Variants in AHI1 observed in about 807,000 individuals in gnomAD.
AHI1 encodes the protein Abelson helper integration site 1.
A neutral mutation model predicts 149.3 loss-of-function variants in AHI1; 123 were observed. The ratio of observed to expected loss-of-function variants is 0.82; its 90% CI spans 0.71 to 0.96. The LOEUF (loss-of-function observed/expected upper bound fraction) is 0.96, where lower values mean the gene tolerates loss of function less well. Ranked by LOEUF, AHI1 falls within the 40% of genes least tolerant of loss-of-function variation. The probability of loss-of-function intolerance (pLI) is 0.00; values close to 1 mark genes in which losing one functional copy is unlikely to be tolerated. For missense variants in AHI1, 1,439 were observed against 1,422.7 expected (o/e 1.01, Z -0.18); for synonymous variants, 475 against 459.8 (o/e 1.03, Z -0.42).
chr6:135,470,164 A>AAC (rs1791460166), intron 5 of AHI1, among the ~76,000 whole-genome samples: 3 of 152,228 alleles, frequency 2.0e-5, no homozygotes, highest in Non-Finnish European at 4.4e-5. Context: ...AAAGGATATG[A>AAC]ACACACACTT....
Position 135,317,148 on chromosome 6 carries a change from G to A in AHI1, c.3426+1371C>T, listed in dbSNP as rs77751682. ...ATTTCCATGGATTCCTAATTTCCTT[G>A]TGCTAGGTCCTTAGCTACCTCAAAT... On this transcript the variant is annotated intron_variant, in intron 26 of 28. Transcript: ENST00000265602. Among the ~76,000 whole-genome samples, 285 of 151,732 alleles carry A rather than the reference G, an allele frequency of 1.9e-3. 1 individual carries two copies. Among genetic ancestry groups the A allele is most frequent in the African/African-American group, 6.6e-3 (273 of 41,364 alleles).
intron 25 of AHI1, among the ~76,000 whole-genome samples, chr6:135,320,933 T>C (rs1202441468): frequency 6.6e-6 from 1 of 152,200 alleles, no homozygotes; most frequent in Non-Finnish European, 1.5e-5. Flanking sequence ...TTGGCTATTT[T>C]AGATGATCTG....
At chr6:135,388,034 C>T in intron 23 of AHI1, 6 of 1,613,630 alleles carry the variant, frequency 3.7e-6, no homozygotes, top group Non-Finnish European at 5.1e-6. Context: ...AAGTGACTGT[C>T]TGGAAAACAA....
chr6:135,379,874 C>T (rs1175551801), intron 23 of AHI1, among the ~76,000 whole-genome samples: 1 of 151,836 alleles, frequency 6.6e-6, no homozygotes, highest in Non-Finnish European at 1.5e-5. Flanking sequence ...TTCCTTCCTT[C>T]CTAGCTTCCT....
Position 135,412,103 on chromosome 6 carries a change from T to A in AHI1, c.2765-559A>T, listed in dbSNP as rs149919999. Among the ~76,000 whole-genome samples the A allele has an allele frequency of 3.0e-3, 455 of 152,262 alleles. 7 individuals are homozygous for A. The highest frequency in any genetic ancestry group is 0.014 in the Middle Eastern group (4 of 294). The stretch of plus-strand genomic sequence containing the variant: ...TTTTTACACATTCTCTTATACTGAA[T>A]ACAGTTGGTCCACTGTATCTGTGGC... On this transcript the variant is annotated intron_variant, in intron 20 of 28. Coordinates refer to ENST00000265602, the MANE Select transcript of AHI1 (RefSeq NM_001134831.2).
chr6:135,413,518 T>A (rs1402087424), intron 20 of AHI1, among the ~76,000 whole-genome samples: 1 of 150,510 alleles, frequency 6.6e-6, no homozygotes, highest in Non-Finnish European at 1.5e-5. Context: ...ATTGTCTAGG[T>A]AGAGCTAAAG....
intron 24 of AHI1, among the ~76,000 whole-genome samples, chr6:135,349,739 T>G (rs529292399): frequency 3.3e-5 from 5 of 152,224 alleles, no homozygotes; most frequent in Non-Finnish European, 7.3e-5. Context: ...TGCTCTAATA[T>G]ATTGTCTTTG....
At chr6:135,380,743 C>T (rs1288495633) in intron 23 of AHI1, among the ~76,000 whole-genome samples, 1 of 120,678 alleles carries the variant, frequency 8.3e-6, no homozygotes, top group African/African-American at 3.9e-5. Flanking sequence ...CCCCCCCCCC[C>T]CAAAAAAAAA....
chr6:135,309,574 C>T (rs1784916723), intron 26 of AHI1, among the ~76,000 whole-genome samples: 1 of 151,748 alleles, frequency 6.6e-6, no homozygotes, highest in Admixed American at 6.6e-5. Flanking sequence ...CCTATGCCTC[C>T]TGAGATCAAG....
intron 24 of AHI1, among the ~76,000 whole-genome samples, chr6:135,340,654 CATACATATAT>C (rs1420290590): frequency 0.054 from 3,168 of 58,556 alleles, 191 homozygotes; most frequent in African/African-American, 0.12. Flanking sequence ...TATATACATA[CATACATATAT>C]ATATATATAT....
At chr6:135,456,457 T>A (rs1315434452) in intron 9 of AHI1, among the ~76,000 whole-genome samples, 1 of 151,162 alleles carries the variant, frequency 6.6e-6, no homozygotes, top group Non-Finnish European at 1.5e-5. Flanking sequence ...GGTGGGAGGA[T>A]CACCTGAGCC....
At chr6:135,412,932 T>C (rs1781815727) in intron 20 of AHI1, among the ~76,000 whole-genome samples, 1 of 152,300 alleles carries the variant, frequency 6.6e-6, no homozygotes, top group Admixed American at 6.5e-5. Flanking sequence ...TATCAGGTTA[T>C]CCATCGAAGG....
intron 4 of AHI1, among the ~76,000 whole-genome samples, chr6:135,491,217 GCTTAAGCC>G (rs757950298): frequency 6.6e-6 from 1 of 152,142 alleles, no homozygotes; most frequent in Non-Finnish European, 1.5e-5. Flanking sequence ...AGAAGATAAT[GCTTAAGCC>G]CCTGAAAATT....
At chr6:135,345,925 G>T (rs1791127477) in intron 24 of AHI1, among the ~76,000 whole-genome samples, 1 of 152,186 alleles carries the variant, frequency 6.6e-6, no homozygotes. Flanking sequence ...TACACGTAAG[G>T]AGACCATATT....
intron 26 of AHI1, chr6:135,300,964 C>T (rs1783803584): frequency 2.0e-6 from 2 of 985,792 alleles, no homozygotes; most frequent in Non-Finnish European, 2.4e-6. Context: ...CATAGTAATA[C>T]ACATTGATCT....
intron 7 of AHI1, among the ~76,000 whole-genome samples, chr6:135,464,903 T>C (rs1181542547): frequency 1.3e-5 from 2 of 152,220 alleles, no homozygotes; most frequent in Non-Finnish European, 2.9e-5. Context: ...CACTCTCAGA[T>C]TGCTGGCCCA....
intron 5 of AHI1, among the ~76,000 whole-genome samples, chr6:135,473,562 C>A (rs1472923779): frequency 6.6e-6 from 1 of 152,058 alleles, no homozygotes; most frequent in African/African-American, 2.4e-5. Context: ...AAGAAGTCTC[C>A]TGGCATTGAT....
At chr6:135,327,905 C>T (rs1044363445) in intron 24 of AHI1, among the ~76,000 whole-genome samples, 2 of 152,198 alleles carry the variant, frequency 1.3e-5, no homozygotes, top group African/African-American at 4.8e-5. Context: ...GATCGCTCTA[C>T]GTATCTCTTC....
At position 135,323,204 on chromosome 6, in the gene AHI1, C is replaced by T. The variant is rs778177362; in HGVS notation, c.3286G>A (p.Gly1096Arg). 1.9e-6 allele frequency: 3 copies of T among 1,613,348 alleles called. No homozygotes were observed. The highest frequency in any genetic ancestry group is 2.5e-6 in the Non-Finnish European group (3 of 1,179,642). ...EDWWYGSIGK[G>R]QEGYFPANHV... ...TTAGCTGGAAAATAACCTTCCTGTC[C>T]CTTTCCTATGCTGCCATACCACCAG... Residue 1096 changes from glycine (G) to arginine (R), a missense_variant, in exon 25 of 29, where the codon GGA becomes AGA. Coordinates refer to ENST00000265602, the MANE Select transcript of AHI1 (RefSeq NM_001134831.2).
Sources: gnomAD v4.1 joint callset for allele counts (sites outside exome capture counted in the v4.1 genomes callset) on GRCh38, gnomAD v4.1.1 for gene constraint, MANE v1.5 for transcripts, NCBI Gene and HGNC (gene_info 2026-07-23, HGNC 2026-07-21) for gene names.